COL4A6: variants seen among roughly 807,000 people sequenced by gnomAD.
COL4A6 encodes collagen alpha-6(IV) chain.
COL4A6 carries 59 observed loss-of-function variants against 126.7 expected under a neutral mutation model. The observed-to-expected ratio is 0.47, with a 90% CI of 0.38 to 0.58. The LOEUF is 0.58. Among genes scored for constraint, COL4A6 ranks in the 20% least tolerant of loss-of-function variants. The probability of loss-of-function intolerance (pLI) is 0.00; values close to 1 mark genes in which losing one functional copy is unlikely to be tolerated. For synonymous variants in COL4A6, 547 were observed against 496.6 expected (o/e 1.10, Z -1.35); for missense variants, 1,285 against 1,337.3 (o/e 0.96, Z 0.61).
intron 2 of COL4A6, 66 bp downstream of exon 2, chrX:108,437,876 C>G: frequency 8.7e-7 from 1 of 1,143,956 alleles, no homozygotes; most frequent in South Asian, 1.8e-5. Flanking sequence ...AACATAAATA[C>G]TAGAGATGGG....
intron 3 of COL4A6, among the ~76,000 whole-genome samples, chrX:108,295,579 C>G (rs1603032978): frequency 8.9e-6 from 1 of 112,374 alleles, no homozygotes; most frequent in Non-Finnish European, 1.9e-5. Context: ...AAACATTTTT[C>G]TTTGGTTGCT....
chrX:108,287,890 G>C (rs1203490455), intron 3 of COL4A6, among the ~76,000 whole-genome samples: 3 of 111,830 alleles, frequency 2.7e-5, no homozygotes, highest in Non-Finnish European at 5.6e-5. Flanking sequence ...ACTCTGTCCA[G>C]GTAATAAGCT....
At chrX:108,247,178 A>C (rs759640640) in intron 3 of COL4A6, among the ~76,000 whole-genome samples, 1 of 110,434 alleles carries the variant, frequency 9.1e-6, no homozygotes, top group Admixed American at 9.6e-5. Flanking sequence ...GATTCTGGAG[A>C]CTGCTCAGGT....
chrX:108,304,032 C>T (rs898375967), intron 3 of COL4A6, among the ~76,000 whole-genome samples: 1 of 111,751 alleles, frequency 8.9e-6, no homozygotes, highest in Non-Finnish European at 1.9e-5. Flanking sequence ...TCCCAAATCT[C>T]TCATCCCACC....
chrX:108,159,578 G>A lies in COL4A6; in HGVS notation c.4696C>T (p.Arg1566Cys), dbSNP rs2148049122. The A allele has an allele frequency of 2.5e-6, 3 of 1,212,306 alleles. No homozygotes were observed. The highest frequency in any genetic ancestry group is 3.3e-6 in the Non-Finnish European group (3 of 895,582). ...SQTQIPQYIS[R>C]CSVCEAPSQA... ...GAGGGTGCCTCACACACAGAGCAGC[G>A]GCTGATGTACTGGGGAATCTGGGTC... is the stretch of plus-strand genomic sequence containing the variant. The change falls in exon 44 of 45, where the codon CGC becomes TGC. Residue 1566 changes from arginine (R) to cysteine (C), a missense_variant. By Grantham distance (180) the Arg-to-Cys change is radical. Coordinates refer to ENST00000334504, the MANE Select transcript of COL4A6 (RefSeq NM_033641.4).
intron 18 of COL4A6, among the ~76,000 whole-genome samples, 179 bp from the exon 19 acceptor site, chrX:108,191,712 A>G (rs1412937662): frequency 8.9e-6 from 1 of 112,045 alleles, no homozygotes; most frequent in Non-Finnish European, 1.9e-5. Flanking sequence ...CTTGGGAAAC[A>G]GAGACCCAAA....
chrX:108,284,579 A>T (rs2037954058), intron 3 of COL4A6, among the ~76,000 whole-genome samples: 1 of 112,439 alleles, frequency 8.9e-6, no homozygotes, highest in South Asian at 3.7e-4. Context: ...GATTTGCCTC[A>T]ACTGGAGAAA....
intron 3 of COL4A6, among the ~76,000 whole-genome samples, chrX:108,242,746 TG>T (rs1227118224): frequency 9.0e-6 from 1 of 110,730 alleles, no homozygotes; most frequent in Non-Finnish European, 1.9e-5. Flanking sequence ...TACCTAGCAA[TG>T]TGCATGGCAC....
chrX:108,291,458 T>A (rs2147845646), intron 3 of COL4A6, among the ~76,000 whole-genome samples: 1 of 112,342 alleles, frequency 8.9e-6, no homozygotes, highest in African/African-American at 3.2e-5. Flanking sequence ...AAACATTACT[T>A]TATGTGACCA....
intron 17 of COL4A6, 59 bp downstream of exon 17, chrX:108,193,569 G>A: frequency 1.1e-6 from 1 of 936,234 alleles, no homozygotes; most frequent in Admixed American, 2.4e-5. Flanking sequence ...ATAATTACAG[G>A]GGATATAGGA....
In COL4A6 at chrX:108,211,697, G is replaced by A; in HGVS notation, c.485C>T (p.Ala162Val). ...CTTCATTCCTTTGAAACTACCTGGA[G>A]CAAGGACAGGGTCACCTTTTGATCC... is the stretch of plus-strand genomic sequence containing the variant. ...QKGSKGDPVL[A>V]PGSFKGMKGD... The change falls in exon 7 of 45, where the codon GCT becomes GTT. Residue 162 changes from alanine to valine, a missense_variant. By Grantham distance (64) the Ala-to-Val change is moderately conservative (BLOSUM62 0). Transcript: ENST00000334504. The A allele has an allele frequency of 8.3e-7, 1 of 1,211,368 alleles. No individual in the cohort carries two copies. The highest frequency in any genetic ancestry group is 1.1e-6 in the Non-Finnish European group (1 of 894,903).
At chrX:108,158,548 C>T (rs1372460071) in intron 44 of COL4A6, among the ~76,000 whole-genome samples, 3 of 112,265 alleles carry the variant, frequency 2.7e-5, no homozygotes, top group South Asian at 3.7e-4. Context: ...ATTTCCTGGT[C>T]AGGGTGGTGG....
intron 2 of COL4A6, among the ~76,000 whole-genome samples, chrX:108,322,447 A>G (rs943099935): frequency 4.5e-5 from 5 of 111,997 alleles, no homozygotes; most frequent in African/African-American, 1.6e-4. Flanking sequence ...ACATCTGCTC[A>G]ACTGTGTTCA....
intron 13 of COL4A6, among the ~76,000 whole-genome samples, chrX:108,202,419 C>G (rs1299077820): frequency 9.0e-6 from 1 of 111,711 alleles, no homozygotes; most frequent in African/African-American, 3.3e-5. Context: ...TAGGGACCCT[C>G]AAAAGGTAAC....
chrX:108,300,857 G>T (rs746280588), intron 3 of COL4A6, among the ~76,000 whole-genome samples: 23 of 110,770 alleles, frequency 2.1e-4, no homozygotes, highest in African/African-American at 7.6e-4. Flanking sequence ...TGTTTTTCTA[G>T]GGGGCTTGAA....
At chrX:108,421,573 T>C in intron 2 of COL4A6, among the ~76,000 whole-genome samples, 1 of 112,297 alleles carries the variant, frequency 8.9e-6, no homozygotes, top group Non-Finnish European at 1.9e-5. Flanking sequence ...AAGCAATAAA[T>C]GAGTGGCAGA....
chrX:108,161,378 G>T (rs1457423007), intron 42 of COL4A6, among the ~76,000 whole-genome samples: 4 of 111,666 alleles, frequency 3.6e-5, no homozygotes, highest in Admixed American at 1.9e-4. Flanking sequence ...AGAGAGCCCA[G>T]AAAAGGATTT....
At chrX:108,365,280 A>G (rs781362317) in intron 2 of COL4A6, among the ~76,000 whole-genome samples, 2 of 112,223 alleles carry the variant, frequency 1.8e-5, no homozygotes, top group Non-Finnish European at 3.8e-5. Flanking sequence ...TGTCTCAGCT[A>G]TCCTCAAATT....
intron 2 of COL4A6, among the ~76,000 whole-genome samples, chrX:108,387,493 C>A (rs911188514): frequency 1.8e-5 from 2 of 111,508 alleles, no homozygotes; most frequent in African/African-American, 3.3e-5. Flanking sequence ...AATGAGAGTT[C>A]ACTCATGATT....
Sources: allele counts gnomAD v4.1 joint callset (sites outside exome capture counted in the v4.1 genomes callset), GRCh38; gene constraint gnomAD v4.1.1; transcripts MANE v1.5; gene names NCBI Gene and HGNC (gene_info 2026-07-23, HGNC 2026-07-21).